OR9I1: variants seen among roughly 807,000 people sequenced by gnomAD.
The protein encoded by OR9I1 is olfactory receptor family 9 subfamily I member 1.
Under a neutral mutation model 11.2 loss-of-function variants are expected in OR9I1, and 7 were observed. The ratio of observed to expected loss-of-function variants is 0.62; its 90% CI spans 0.36 to 1.17. The LOEUF is 1.17. OR9I1 is among the 50% of genes most tolerant of loss of function. The probability of loss-of-function intolerance (pLI) is 0.02; values close to 1 mark genes in which losing one functional copy is unlikely to be tolerated. For missense variants in OR9I1, 428 were observed against 377.2 expected (o/e 1.13, Z -1.12); for synonymous variants, 165 against 153.4 (o/e 1.08, Z -0.56).
intron 2 of OR9I1, among the ~76,000 whole-genome samples, chr11:58,121,564 C>T (rs1020094255): frequency 2.0e-5 from 3 of 152,204 alleles, no homozygotes; most frequent in African/African-American, 7.2e-5. Flanking sequence ...TCTCCAGATT[C>T]CATTATCCTA....
chr11:58,120,127 A>G (rs1360114587), intron 2 of OR9I1, among the ~76,000 whole-genome samples: 1 of 151,944 alleles, frequency 6.6e-6, no homozygotes, highest in Non-Finnish European at 1.5e-5. Context: ...AATCATCACC[A>G]CCCCAGCTCA....
chr11:58,120,892 C>A (rs1854025308), intron 2 of OR9I1, among the ~76,000 whole-genome samples: 1 of 147,778 alleles, frequency 6.8e-6, no homozygotes, highest in African/African-American at 2.5e-5. Flanking sequence ...AGAAATTATT[C>A]CCTTGTTCTT....
rs939723862 is a variant in OR9I1, at chr11:58,116,971, T to C, written c.*1529A>G. 4 of 152,222 alleles carry C rather than the reference T, an allele frequency of 2.6e-5. No individual in the cohort carries two copies. Among genetic ancestry groups the C allele is most frequent in the African/African-American group, 9.6e-5 (4 of 41,464 alleles). 9.4% of individuals were successfully genotyped at this position (152,222 alleles called of 1,614,324 possible). On this transcript the variant is annotated 3_prime_UTR_variant, in exon 3 of 3. Transcript: ENST00000641439. The stretch of plus-strand genomic sequence containing the variant: ...CATGCACTCCACCTTTCCAGGTAAG[T>C]ACTCGTTTGTTTTATTCCTTGGTGC...
At chr11:58,122,919 C>T (rs543498330) in intron 2 of OR9I1, among the ~76,000 whole-genome samples, 11 of 150,824 alleles carry the variant, frequency 7.3e-5, no homozygotes, top group East Asian at 5.8e-4. Flanking sequence ...TTTTAGCATA[C>T]ACCGTATTTT....
Position 58,117,789 on chromosome 11 carries a change from AG to A in OR9I1, c.*710del, listed in dbSNP as rs1211108463. The A allele has an allele frequency of 6.6e-6, 1 of 152,170 alleles. No individual in the cohort carries two copies. Among genetic ancestry groups the A allele is most frequent in the Non-Finnish European group, 1.5e-5 (1 of 68,028 alleles). The allele number at this position is 152,170 out of a possible 1,614,324, so 9.4% of individuals were successfully genotyped here. A position where few individuals can be genotyped will look rare whatever the true frequency, so the allele number is the denominator to read the frequency against. On this transcript the variant is annotated 3_prime_UTR_variant, in exon 3 of 3. Transcript: ENST00000641439. ...AGAGAGCTTGAGGAGACATTCCCAAAGGTAGGATGGTTCATTTCATCTTGAA... is the reference window on the plus strand; with the variant it reads ...AGAGAGCTTGAGGAGACATTCCCAAAGTAGGATGGTTCATTTCATCTTGAA...
intron 2 of OR9I1, among the ~76,000 whole-genome samples, chr11:58,120,415 G>GAAAAGA (rs1209838589): frequency 6.6e-6 from 1 of 151,898 alleles, no homozygotes; most frequent in African/African-American, 2.4e-5. Flanking sequence ...TTTTTTTAAG[G>GAAAAGA]AAAAGAAAAT....
chr11:58,118,935 C>A lies in OR9I1; in HGVS notation c.510G>T (p.Lys170Asn). 1 of 1,613,982 alleles carries A rather than the reference C, an allele frequency of 6.2e-7. No homozygotes were observed. Among genetic ancestry groups the A allele is most frequent in the South Asian group, 1.1e-5 (1 of 91,078 alleles). Residue 170 changes from lysine (K) to asparagine (N), a missense_variant, in exon 3 of 3, where the codon AAG becomes AAT. Physicochemically the swap from Lys to Asn is moderately conservative, Grantham distance 94 (BLOSUM62 0). Transcript: ENST00000641439. ...AGAAGAAGAAGTTTATTTGATTGTC[C>A]TTACAGAAGGAGAGGGTGAAGGTGC... is the stretch of plus-strand genomic sequence containing the variant. ...TTCTFTLSFC[K>N]DNQINFFFCD...
At position 58,117,053 on chromosome 11, in the gene OR9I1, A is replaced by G. The variant is rs1042779662; in HGVS notation, c.*1447T>C. 2.6e-5 allele frequency: 4 copies of G among 152,072 alleles called. No homozygotes were observed. The highest frequency in any genetic ancestry group is 7.2e-5 in the African/African-American group (3 of 41,402). The allele number at this position is 152,072 out of a possible 1,614,324, so 9.4% of individuals were successfully genotyped here. On this transcript the variant is annotated 3_prime_UTR_variant, in exon 3 of 3. Transcript: ENST00000641439. ...ATTGCTTTCATTGACTTTTATCATCATTGGTTGGTGATCTATTTTGCTTTT... is the reference window on the plus strand; with the variant it reads ...ATTGCTTTCATTGACTTTTATCATCGTTGGTTGGTGATCTATTTTGCTTTT...
chr11:58,118,243 T>A lies in OR9I1; in HGVS notation c.*257A>T. ...CTCCTGGGATCTGAGATTCTATAAG[T>A]TGTGACATTAGAGAATATTAAGAGA... On this transcript the variant is annotated 3_prime_UTR_variant, in exon 3 of 3. Transcript: ENST00000641439. The A allele has an allele frequency of 3.2e-6, 1 of 314,502 alleles. No individual in the cohort carries two copies. The highest frequency in any genetic ancestry group is 9.9e-5 in the South Asian group (1 of 10,116). 19.5% of individuals were successfully genotyped at this position (314,502 alleles called of 1,614,324 possible).
intron 2 of OR9I1, among the ~76,000 whole-genome samples, chr11:58,120,522 T>C (rs1007043554): frequency 3.3e-5 from 5 of 152,024 alleles, no homozygotes; most frequent in African/African-American, 9.7e-5. Flanking sequence ...AGTTCTTTAG[T>C]GGTGATTTGT....
At position 58,122,557 on chromosome 11, in the gene OR9I1, T is replaced by A. The variant is rs891711525; in HGVS notation, c.-23+1881A>T. Among the ~76,000 whole-genome samples, 12 of 152,246 alleles carry A rather than the reference T, an allele frequency of 7.9e-5. 1 individual carries two copies. Among genetic ancestry groups the A allele is most frequent in the Admixed American group, 3.9e-4 (6 of 15,280 alleles). The stretch of plus-strand genomic sequence containing the variant: ...CTCTGTATCTACTAAATACTGAGTA[T>A]ATAAAGCAATGCAGGCACTATTTCA... On this transcript the variant is annotated intron_variant, in intron 2 of 2. Coordinates refer to ENST00000641439, the MANE Select transcript of OR9I1 (RefSeq NM_001005211.2).
At position 58,122,818 on chromosome 11, in the gene OR9I1, A is replaced by T. The variant is rs544384228; in HGVS notation, c.-23+1620T>A. Among the ~76,000 whole-genome samples, 4 of 152,108 alleles carry T rather than the reference A, an allele frequency of 2.6e-5. No individual in the cohort carries two copies. In the East Asian group the frequency reaches 7.7e-4, roughly 29 times the overall value. On this transcript the variant is annotated intron_variant, in intron 2 of 2. Coordinates refer to ENST00000641439, the MANE Select transcript of OR9I1 (RefSeq NM_001005211.2). ...ATATCCTTCTATGTTTATTCTTTTC[A>T]TATTTATTTAGAAATATATGTATAT...
At chr11:58,122,094 G>A (rs11601841) in intron 2 of OR9I1, among the ~76,000 whole-genome samples, 32,605 of 152,148 alleles carry the variant, frequency 0.21, 3,979 homozygotes, top group Middle Eastern at 0.38. Flanking sequence ...AACTTGTGAT[G>A]AGGCCCCATC....
rs115576664 is a variant in OR9I1, at chr11:58,118,664, G to T, written c.781C>A (p.Gln261Lys). Residue 261 changes from glutamine (Q) to lysine (K), a missense_variant, in exon 3 of 3, where the codon CAA becomes AAA. By Grantham distance (53) the Gln-to-Lys change is moderately conservative (BLOSUM62 1). Transcript: ENST00000641439. ...TCCAGAGATTTGCCTGAGCCACTTTGCAGATACATGAAGATAAGGGCTCCA... is the reference window on the plus strand; with the variant it reads ...TCCAGAGATTTGCCTGAGCCACTTTTCAGATACATGAAGATAAGGGCTCCA... ...FFGALIFMYL[Q>K]SGSGKSLEED... The T allele has an allele frequency of 1.6e-4, 261 of 1,613,982 alleles. No individual in the cohort carries two copies. In the African/African-American group the frequency reaches 3.3e-3, roughly 20 times the overall value.
intron 1 of OR9I1, among the ~76,000 whole-genome samples, chr11:58,124,852 C>G (rs1854073010): frequency 6.6e-6 from 1 of 152,188 alleles, no homozygotes; most frequent in African/African-American, 2.4e-5. Flanking sequence ...AACATCTTCT[C>G]TGCGCTGATC....
In OR9I1 at chr11:58,119,265, G is replaced by A; in HGVS notation, c.180C>T (p.Tyr60=). 6.2e-7 allele frequency: 1 copy of A among 1,614,024 alleles called. No individual in the cohort carries two copies. The highest frequency in any genetic ancestry group is 8.5e-7 in the Non-Finnish European group (1 of 1,179,950). ...QVDVKLYTPM[Y]FFLSHLSLLD... The stretch of plus-strand genomic sequence containing the variant: ...GCAGGGAGAGGTGGCTCAGGAAGAA[G>A]TACATTGGGGTGTAGAGTTTGACAT... Residue 60 remains tyrosine (Y), a synonymous_variant, in exon 3 of 3, where the codon TAC becomes TAT. Coordinates refer to ENST00000641439, the MANE Select transcript of OR9I1 (RefSeq NM_001005211.2).
intron 2 of OR9I1, among the ~76,000 whole-genome samples, chr11:58,122,049 C>T (rs1452182396): frequency 1.3e-5 from 2 of 152,106 alleles, no homozygotes; most frequent in African/African-American, 2.4e-5. Context: ...CACCTAAGGT[C>T]TAATTCCACT....
rs1854070716 is a variant in OR9I1, at chr11:58,124,631, T to G, written c.-216A>C. The G allele has an allele frequency of 6.6e-6, 1 of 152,232 alleles. No homozygotes were observed. The highest frequency in any genetic ancestry group is 6.5e-5 in the Admixed American group (1 of 15,286). The allele number at this position is 152,232 out of a possible 1,614,324, so 9.4% of individuals were successfully genotyped here. On this transcript the variant is annotated 5_prime_UTR_variant, in exon 2 of 3. Coordinates refer to ENST00000641439, the MANE Select transcript of OR9I1 (RefSeq NM_001005211.2). Reference sequence around the variant, plus strand: ...GCTAAGCACTTTAAAGGCTTTTATTTCCTTTCAACTTGACAATAACATAAT... The same window carrying G: ...GCTAAGCACTTTAAAGGCTTTTATTGCCTTTCAACTTGACAATAACATAAT...
chr11:58,117,370 G>C lies in OR9I1; in HGVS notation c.*1130C>G, dbSNP rs1853966328. ...CCTTGTCTACTGCTGTATACTCCGA[G>C]TACTCTTTGACTCATGAGGAAGTAC... is the stretch of plus-strand genomic sequence containing the variant. On this transcript the variant is annotated 3_prime_UTR_variant, in exon 3 of 3. Transcript: ENST00000641439. 6.6e-6 allele frequency: 1 copy of C among 152,100 alleles called. No homozygotes were observed. The highest frequency in any genetic ancestry group is 1.5e-5 in the Non-Finnish European group (1 of 68,022). The allele number at this position is 152,100 out of a possible 1,614,324, so 9.4% of individuals were successfully genotyped here.
Sources: allele counts gnomAD v4.1 joint callset (sites outside exome capture counted in the v4.1 genomes callset), GRCh38; gene constraint gnomAD v4.1.1; transcripts MANE v1.5; gene names NCBI Gene and HGNC (gene_info 2026-07-23, HGNC 2026-07-21).